The following SERPINB10 variants were observed in gnomAD, a reference collection of about 807,000 sequenced individuals.
The protein encoded by SERPINB10 is serpin B10.
In SERPINB10, 35 loss-of-function variants were observed where a neutral mutation model predicts 39.1. The ratio of observed to expected loss-of-function variants is 0.90; its 90% CI spans 0.68 to 1.19. SERPINB10 has a LOEUF of 1.19. Among genes scored for constraint, SERPINB10 ranks in the 50% most tolerant of loss-of-function variants. The pLI, the probability that SERPINB10 is intolerant of heterozygous loss-of-function variation, is 0.00. For synonymous variants in SERPINB10, 190 were observed against 158.1 expected (o/e 1.20, Z -1.52); for missense variants, 546 against 460.5 (o/e 1.19, Z -1.70).
rs2050116076 is a variant in SERPINB10, at chr18:63,917,946, A to T, written c.235-19A>T. ...CTCTTGTTCAACATTTTATTTGACT[A>T]GTTCCTTCTCTTTTAAAGGAATTCA... is the stretch of plus-strand genomic sequence containing the variant. On this transcript the variant is annotated intron_variant, in intron 3 of 7. Coordinates refer to ENST00000238508, the MANE Select transcript of SERPINB10 (RefSeq NM_005024.3). The T allele has an allele frequency of 1.2e-6, 2 of 1,606,152 alleles. No homozygotes were observed. The highest frequency in any genetic ancestry group is 2.7e-5 in the African/African-American group (2 of 74,612).
rs144898270 is a variant in SERPINB10 at position 63,930,152 on chromosome 18, C to A, written c.598C>A (p.Gln200Lys). Residue 200 changes from glutamine to lysine, a missense_variant, in exon 6 of 8, where the codon CAA (glutamine) becomes AAA (lysine). Physicochemically the swap from Gln to Lys is moderately conservative, Grantham distance 53. Coordinates refer to ENST00000238508, the MANE Select transcript of SERPINB10 (RefSeq NM_005024.3). ...KGIWEHQFLV[Q>K]NTTEKPFRIN... is the part of the protein sequence containing the mutation. ...AATCTGGGAACATCAATTCTTAGTG[C>A]AAAACACCACAGAAAAGCCTTTTAG... 1 of 1,613,306 alleles carries A rather than the reference C, an allele frequency of 6.2e-7. No individual in the cohort carries two copies. The highest frequency in any genetic ancestry group is 1.7e-5 in the Admixed American group (1 of 59,916).
At chr18:63,920,766 A>G (rs2144727841) in intron 5 of SERPINB10, among the ~76,000 whole-genome samples, 1 of 152,082 alleles carries the variant, frequency 6.6e-6, no homozygotes, top group South Asian at 2.1e-4. Context: ...TCCAGGCAAG[A>G]GTGACCAACC....
rs531215882 is a variant in SERPINB10, at chr18:63,935,990, G to A, written c.*748G>A. On this transcript the variant is annotated 3_prime_UTR_variant, in exon 8 of 8. Transcript: ENST00000238508. ...GCCCTAGTTTTGACAAATGTACCGTGGTCATGTAAGATGTTATCACTTGGG... is the reference window on the plus strand; with the variant it reads ...GCCCTAGTTTTGACAAATGTACCGTAGTCATGTAAGATGTTATCACTTGGG... 1.3e-5 allele frequency: 2 copies of A among 152,270 alleles called. No homozygotes were observed. Among genetic ancestry groups the A allele is most frequent in the East Asian group, 3.9e-4 (2 of 5,186 alleles). The allele number at this position is 152,270 out of a possible 1,614,324, so 9.4% of individuals were successfully genotyped here.
chr18:63,929,020 C>T (rs532213846), intron 5 of SERPINB10, among the ~76,000 whole-genome samples: 1 of 152,178 alleles, frequency 6.6e-6, no homozygotes, highest in African/African-American at 2.4e-5. Flanking sequence ...GCTTTTGTGA[C>T]AATACTTGGC....
Position 63,908,024 on chromosome 18 carries a change from C to A in SERPINB10, c.-26C>A. ...CAGGAGCAAATTGCCAATTCTGCTC[C>A]AGTGGGAGAAAACAAGGTATTGTAA... On this transcript the variant is annotated 5_prime_UTR_variant, in exon 1 of 8. Transcript: ENST00000238508. The A allele has an allele frequency of 2.9e-6, 1 of 342,852 alleles. No homozygotes were observed. Among genetic ancestry groups the A allele is most frequent in the Non-Finnish European group, 6.0e-6 (1 of 165,398 alleles). 21.2% of individuals were successfully genotyped at this position (342,852 alleles called of 1,614,324 possible).
intron 6 of SERPINB10, among the ~76,000 whole-genome samples, chr18:63,930,420 T>C (rs1297655488): frequency 6.6e-6 from 1 of 151,998 alleles, no homozygotes; most frequent in Non-Finnish European, 1.5e-5. Flanking sequence ...GTGAGCTGGG[T>C]AGGGTAGTTT....
intron 5 of SERPINB10, among the ~76,000 whole-genome samples, chr18:63,929,671 A>T (rs1429608339): frequency 1.4e-5 from 2 of 144,212 alleles, no homozygotes; most frequent in Non-Finnish European, 3.1e-5. Context: ...TTAGTCAAGT[A>T]GTTGTAATTT....
intron 5 of SERPINB10, among the ~76,000 whole-genome samples, chr18:63,929,401 G>A (rs994489743): frequency 7.9e-5 from 12 of 152,046 alleles, no homozygotes; most frequent in African/African-American, 2.2e-4. Context: ...TCCTGTTATT[G>A]AGCAATTTTA....
chr18:63,924,248 C>T (rs777169670), intron 5 of SERPINB10, among the ~76,000 whole-genome samples: 2 of 151,956 alleles, frequency 1.3e-5, no homozygotes, highest in Non-Finnish European at 2.9e-5. Context: ...CATTGATGTG[C>T]TGTGTTTATA....
chr18:63,911,131 T>C (rs1194734667), intron 1 of SERPINB10, among the ~76,000 whole-genome samples: 1 of 152,022 alleles, frequency 6.6e-6, no homozygotes, highest in African/African-American at 2.4e-5. Context: ...CATTTTTTAA[T>C]GGGGTTGTTT....
chr18:63,920,309 G>A (rs1029092638), intron 5 of SERPINB10, among the ~76,000 whole-genome samples: 3 of 152,048 alleles, frequency 2.0e-5, no homozygotes, highest in African/African-American at 7.2e-5. Flanking sequence ...TTCAAAGTAA[G>A]TTCAAGTATC....
At chr18:63,922,899 C>G (rs2050156303) in intron 5 of SERPINB10, among the ~76,000 whole-genome samples, 1 of 151,956 alleles carries the variant, frequency 6.6e-6, no homozygotes, top group Admixed American at 6.6e-5. Context: ...ATTTAAGTAG[C>G]CACATGAATC....
Position 63,914,742 on chromosome 18 carries a change from G to A in SERPINB10, c.-9-760G>A, listed in dbSNP as rs145142575. Among the ~76,000 whole-genome samples, 731 of 152,114 alleles carry A rather than the reference G, an allele frequency of 4.8e-3. 8 individuals carry two copies. Among genetic ancestry groups the A allele is most frequent in the African/African-American group, 0.017 (709 of 41,526 alleles). On this transcript the variant is annotated intron_variant, in intron 1 of 7. Coordinates refer to ENST00000238508, the MANE Select transcript of SERPINB10 (RefSeq NM_005024.3). Reference sequence around the variant, plus strand: ...GGAGTGGTGGTGGTGCACATTTGCTGTGGATTGGGGCACCTGTCATTTTCA... The same window carrying A: ...GGAGTGGTGGTGGTGCACATTTGCTATGGATTGGGGCACCTGTCATTTTCA...
chr18:63,908,343 T>C (rs2050040514), intron 1 of SERPINB10, among the ~76,000 whole-genome samples: 1 of 152,064 alleles, frequency 6.6e-6, no homozygotes, highest in African/African-American at 2.4e-5. Context: ...AATTGTGAAA[T>C]CATCAGTGGA....
chr18:63,925,454 T>C (rs1274629750), intron 5 of SERPINB10, among the ~76,000 whole-genome samples: 3 of 151,938 alleles, frequency 2.0e-5, no homozygotes, highest in Non-Finnish European at 4.4e-5. Flanking sequence ...GATAAGGACT[T>C]TTTGTGGTGA....
chr18:63,934,592 G>A (rs2050247561), intron 7 of SERPINB10, among the ~76,000 whole-genome samples: 1 of 152,138 alleles, frequency 6.6e-6, no homozygotes, highest in Non-Finnish European at 1.5e-5. Flanking sequence ...TACTATAGCA[G>A]AAGTACTTCC....
chr18:63,930,417 G>A (rs1363700022), intron 6 of SERPINB10, among the ~76,000 whole-genome samples: 1 of 152,052 alleles, frequency 6.6e-6, no homozygotes, highest in Non-Finnish European at 1.5e-5. Context: ...CATGTGAGCT[G>A]GGTAGGGTAG....
intron 1 of SERPINB10, among the ~76,000 whole-genome samples, chr18:63,911,082 T>TATGTC (rs1265372825): frequency 6.6e-6 from 1 of 152,086 alleles, no homozygotes; most frequent in African/African-American, 2.4e-5. Context: ...TGCCCACTTG[T>TATGTC]ATGTCTTCTT....
rs1191967903 is a variant in SERPINB10 at position 63,915,492 on chromosome 18, T to C, written c.-9-10T>C. 1.3e-6 allele frequency: 2 copies of C among 1,576,080 alleles called. No homozygotes were observed. The highest frequency in any genetic ancestry group is 1.7e-6 in the Non-Finnish European group (2 of 1,160,096). On this transcript the variant is annotated splice_polypyrimidine_tract_variant and intron_variant, in intron 1 of 7. Coordinates refer to ENST00000238508, the MANE Select transcript of SERPINB10 (RefSeq NM_005024.3). ...AATATGCTCTCTAATTTTTGCTTTA[T>C]TTTTCTTAGGTTTCCTCAATGGACT...
Sources: gnomAD v4.1 joint callset for allele counts (sites outside exome capture counted in the v4.1 genomes callset) on GRCh38, gnomAD v4.1.1 for gene constraint, MANE v1.5 for transcripts, NCBI Gene and HGNC (gene_info 2026-07-23, HGNC 2026-07-21) for gene names.